Variants in TEAD1 observed in about 807,000 individuals in gnomAD.
TEAD1 encodes the protein TEA domain transcription factor 1.
A neutral mutation model predicts 54.9 loss-of-function variants in TEAD1; 9 were observed. That is an observed-to-expected ratio of 0.16 (90% CI 0.10 to 0.29). The LOEUF (loss-of-function observed/expected upper bound fraction) is 0.29, where lower values mean the gene tolerates loss of function less well. Among genes scored for constraint, TEAD1 ranks in the 10% least tolerant of loss-of-function variants. The pLI, the probability that TEAD1 is intolerant of heterozygous loss-of-function variation, is 1.00. For synonymous variants in TEAD1, 200 were observed against 187.8 expected, an observed-to-expected ratio of 1.07 and a Z score of -0.53; for missense variants, 387 against 535.9, an observed-to-expected ratio of 0.72 and a Z score of 2.74.
At chr11:12,743,449 G>A (rs1016095171) in intron 2 of TEAD1, among the ~76,000 whole-genome samples, 2 of 152,158 alleles carry the variant, frequency 1.3e-5, no homozygotes, top group Admixed American at 6.5e-5. Flanking sequence ...GATTTAAGCA[G>A]ATAGCTTTTA....
chr11:12,817,645 G>C (rs1443796473), intron 3 of TEAD1, among the ~76,000 whole-genome samples: 2 of 152,006 alleles, frequency 1.3e-5, no homozygotes, highest in Admixed American at 6.6e-5. Context: ...TCCACTGTTG[G>C]CCACACTTAT....
In TEAD1 at chr11:12,902,821, C is replaced by G. The variant is rs541487201; in HGVS notation, c.873+708C>G. Reference sequence around the variant, plus strand: ...ACCCCTGTTGCCCCACCTGTCCAGTCTATGCTCTGCCTTCTGTTTGTCTAG... The same window carrying G: ...ACCCCTGTTGCCCCACCTGTCCAGTGTATGCTCTGCCTTCTGTTTGTCTAG... On this transcript the variant is annotated intron_variant, in intron 10 of 12. Transcript: ENST00000527636. Among the ~76,000 whole-genome samples, 38 of 152,186 alleles carry G rather than the reference C, an allele frequency of 2.5e-4. No individual in the cohort carries two copies. In the Middle Eastern group the frequency reaches 0.037, roughly 150 times the overall value.
chr11:12,779,221 A>G (rs557683369), intron 3 of TEAD1, among the ~76,000 whole-genome samples: 3 of 152,186 alleles, frequency 2.0e-5, no homozygotes, highest in African/African-American at 4.8e-5. Flanking sequence ...TTGATCTTGA[A>G]TGATACAGTT....
Position 12,718,218 on chromosome 11 carries a change from G to A in TEAD1, c.-55+42657G>A, listed in dbSNP as rs535280953. On this transcript the variant is annotated intron_variant, in intron 2 of 12. Coordinates refer to ENST00000527636, the MANE Select transcript of TEAD1 (RefSeq NM_021961.6). ...GCATTCTTTGTGAGTAGTGGTTCAC[G>A]GAGGATGCTTGGCCCAGCCACAACC... 2.0e-4 allele frequency among the ~76,000 whole-genome samples: 30 copies of A among 152,262 alleles called. No individual in the cohort carries two copies. In the East Asian group the frequency reaches 5.0e-3, roughly 26 times the overall value.
intron 2 of TEAD1, among the ~76,000 whole-genome samples, chr11:12,731,063 C>G (rs1398388351): frequency 6.6e-6 from 1 of 152,144 alleles, no homozygotes; most frequent in Non-Finnish European, 1.5e-5. Context: ...GAGCTTACTA[C>G]AGCAAAGGCC....
intron 3 of TEAD1, among the ~76,000 whole-genome samples, chr11:12,797,561 T>TC (rs1945959733): frequency 7.0e-6 from 1 of 142,904 alleles, no homozygotes; most frequent in Non-Finnish European, 1.5e-5. Flanking sequence ...TGTCCCTCTC[T>TC]TTTTTTTTTT....
chr11:12,706,469 G>A (rs1349532718), intron 2 of TEAD1, among the ~76,000 whole-genome samples: 1 of 152,154 alleles, frequency 6.6e-6, no homozygotes, highest in Non-Finnish European at 1.5e-5. Flanking sequence ...CTTCGTTTGT[G>A]ATTTAAACTA....
intron 10 of TEAD1, among the ~76,000 whole-genome samples, chr11:12,920,856 A>T (rs1948792567): frequency 6.6e-6 from 1 of 152,236 alleles, no homozygotes; most frequent in South Asian, 2.1e-4. Context: ...GATATTCATC[A>T]GTAGAGCGTG....
chr11:12,911,818 T>G (rs908659300), intron 10 of TEAD1, among the ~76,000 whole-genome samples: 1 of 152,184 alleles, frequency 6.6e-6, no homozygotes, highest in Non-Finnish European at 1.5e-5. Flanking sequence ...GCACTTTCTG[T>G]GGTGACTGCT....
intron 10 of TEAD1, among the ~76,000 whole-genome samples, chr11:12,908,883 G>GTTTTTGTTTTTTTTTTTTTTT (rs769023879): frequency 2.8e-4 from 28 of 99,664 alleles, no homozygotes; most frequent in African/African-American, 7.0e-4. Context: ...CAAATTATCT[G>GTTTTTGTTTTTTTTTTTTTTT]TTTTTTTTTT....
intron 9 of TEAD1, among the ~76,000 whole-genome samples, chr11:12,900,158 C>T (rs1403886719): frequency 6.6e-6 from 1 of 152,114 alleles, no homozygotes; most frequent in Non-Finnish European, 1.5e-5. Context: ...ATCTTCCAGG[C>T]TCAAGTGATC....
At chr11:12,840,836 ATATTTG>A (rs1387171327) in intron 3 of TEAD1, among the ~76,000 whole-genome samples, 3 of 152,110 alleles carry the variant, frequency 2.0e-5, no homozygotes, top group Non-Finnish European at 2.9e-5. Context: ...GTTCTGGTGG[ATATTTG>A]ATTGCTCTCC....
At chr11:12,897,147 T>C (rs988440386) in intron 9 of TEAD1, among the ~76,000 whole-genome samples, 2 of 150,044 alleles carry the variant, frequency 1.3e-5, no homozygotes, top group African/African-American at 5.1e-5. Context: ...AATGCCAGTT[T>C]TCTCTTATGA....
intron 5 of TEAD1, chr11:12,878,811 G>GCTTT: frequency 1.3e-6 from 1 of 767,358 alleles, no homozygotes; most frequent in Non-Finnish European, 1.8e-6. Context: ...ATATATATAT[G>GCTTT]TTTTTTTTTT....
chr11:12,716,560 G>C (rs559008551), intron 2 of TEAD1, among the ~76,000 whole-genome samples: 1 of 152,144 alleles, frequency 6.6e-6, no homozygotes, highest in African/African-American at 2.4e-5. Flanking sequence ...ACTTTTTCTG[G>C]TATAGGTCAG....
intron 9 of TEAD1, among the ~76,000 whole-genome samples, chr11:12,886,359 C>G (rs537684184): frequency 1.3e-5 from 2 of 152,202 alleles, no homozygotes; most frequent in African/African-American, 4.8e-5. Flanking sequence ...TTAAAAGGCC[C>G]TGGAATGAAA....
intron 2 of TEAD1, among the ~76,000 whole-genome samples, chr11:12,697,839 A>G (rs972390512): frequency 1.3e-5 from 2 of 152,186 alleles, no homozygotes; most frequent in Admixed American, 6.5e-5. Context: ...CCTGATCAAC[A>G]TGATGAAACT....
At chr11:12,727,449 C>T (rs957552859) in intron 2 of TEAD1, among the ~76,000 whole-genome samples, 2 of 152,124 alleles carry the variant, frequency 1.3e-5, no homozygotes, top group Non-Finnish European at 2.9e-5. Context: ...CCTTGCTGCC[C>T]TGTTTCTGAC....
At chr11:12,750,567 A>G (rs887237143) in intron 2 of TEAD1, among the ~76,000 whole-genome samples, 27 of 152,180 alleles carry the variant, frequency 1.8e-4, no homozygotes, top group Non-Finnish European at 3.5e-4. Flanking sequence ...AGACAGACAG[A>G]CACACACACG....
Sources: allele counts gnomAD v4.1 joint callset (sites outside exome capture counted in the v4.1 genomes callset), GRCh38; gene constraint gnomAD v4.1.1; transcripts MANE v1.5; gene names NCBI Gene and HGNC (gene_info 2026-07-23, HGNC 2026-07-21).